CPEB3: variants seen among roughly 807,000 people sequenced by gnomAD.
CPEB3 encodes the protein cytoplasmic polyadenylation element-binding protein 3.
In CPEB3, 20 loss-of-function variants were observed where a neutral mutation model predicts 67.2. The observed-to-expected ratio is 0.30, with a 90% CI of 0.21 to 0.43. CPEB3 has a LOEUF of 0.43. CPEB3 is among the 20% of genes least tolerant of loss of function. The probability of loss-of-function intolerance (pLI) is 1.00; values close to 1 mark genes in which losing one functional copy is unlikely to be tolerated. For synonymous variants in CPEB3, 376 were observed against 393.1 expected, an observed-to-expected ratio of 0.96 and a Z score of 0.51; for missense variants, 746 against 968.6, an observed-to-expected ratio of 0.77 and a Z score of 3.05.
chr10:92,143,506 T>G (rs1846536582), intron 5 of CPEB3, among the ~76,000 whole-genome samples: 1 of 152,222 alleles, frequency 6.6e-6, no homozygotes, highest in Admixed American at 6.5e-5. Flanking sequence ...ATGGTTTCAC[T>G]TGTAGGAACC....
At chr10:92,129,856 A>G (rs997534302) in intron 6 of CPEB3, among the ~76,000 whole-genome samples, 2 of 152,110 alleles carry the variant, frequency 1.3e-5, no homozygotes, top group African/African-American at 4.8e-5. Context: ...AGCCCAGGCA[A>G]CAGAGCAAGA....
intron 1 of CPEB3, among the ~76,000 whole-genome samples, chr10:92,252,619 CTTTT>C (rs539743470): frequency 6.8e-6 from 1 of 147,830 alleles, no homozygotes; most frequent in Admixed American, 6.8e-5. Flanking sequence ...TAGATGCCAA[CTTTT>C]TTTTTTTAAT....
intron 7 of CPEB3, among the ~76,000 whole-genome samples, chr10:92,095,923 T>C (rs1167710354): frequency 1.3e-5 from 2 of 151,948 alleles, no homozygotes; most frequent in Non-Finnish European, 2.9e-5. Flanking sequence ...TCGCCCAGGC[T>C]GGAGTGCAGT....
intron 7 of CPEB3, among the ~76,000 whole-genome samples, chr10:92,097,927 C>T (rs183212887): frequency 1.7e-3 from 262 of 151,864 alleles, no homozygotes; most frequent in Middle Eastern, 6.8e-3. Flanking sequence ...TTTGGGAGGC[C>T]GAGGTGGGTG....
intron 2 of CPEB3, among the ~76,000 whole-genome samples, chr10:92,217,116 G>A (rs1398238259): frequency 2.9e-5 from 4 of 137,038 alleles, no homozygotes; most frequent in African/African-American, 1.1e-4. Flanking sequence ...GCTGAGGCAA[G>A]AGAATCACTT....
chr10:92,243,741 T>C (rs1324628712), intron 1 of CPEB3, among the ~76,000 whole-genome samples: 2 of 152,186 alleles, frequency 1.3e-5, no homozygotes, highest in Non-Finnish European at 2.9e-5. Flanking sequence ...TCAGCAGAGA[T>C]GGCATAAAAG....
Position 92,048,928 on chromosome 10 carries a change from G to A in CPEB3, c.*3284C>T, listed in dbSNP as rs1365019762. 1.3e-5 allele frequency: 2 copies of A among 152,462 alleles called. No individual in the cohort carries two copies. Among genetic ancestry groups the A allele is most frequent in the African/African-American group, 4.8e-5 (2 of 41,406 alleles). The allele number at this position is 152,462 out of a possible 1,614,324, so 9.4% of individuals were successfully genotyped here. On this transcript the variant is annotated 3_prime_UTR_variant, in exon 10 of 10. Transcript: ENST00000265997. The surrounding 1 kb of genome is among the most constrained non-coding windows in gnomAD (Gnocchi z 4.1). ...ATTATGACATTGACCAGATATGAAA[G>A]TCCCTCCCAGAAACAACTCTATTAA...
Position 92,188,056 on chromosome 10 carries a change from G to C in CPEB3, c.1165+4421C>G, listed in dbSNP as rs192747632. Among the ~76,000 whole-genome samples, 7 of 151,956 alleles carry C rather than the reference G, an allele frequency of 4.6e-5. No homozygotes were observed. In the East Asian group the frequency reaches 1.4e-3, roughly 30 times the overall value. ...ACAGCAAATAGAAAAAATCAGCCAG[G>C]CATGGTGCCTGTGCCTCTAGTACCA... On this transcript the variant is annotated intron_variant, in intron 3 of 9. Transcript: ENST00000265997.
At chr10:92,063,632 C>T (rs1415521611) in intron 9 of CPEB3, among the ~76,000 whole-genome samples, 1 of 151,984 alleles carries the variant, frequency 6.6e-6, no homozygotes, top group Admixed American at 6.6e-5. Context: ...GGTGTGGTGG[C>T]GCGCACCTAT....
intron 6 of CPEB3, among the ~76,000 whole-genome samples, chr10:92,135,531 G>A (rs1846050456): frequency 6.6e-6 from 1 of 152,164 alleles, no homozygotes; most frequent in Non-Finnish European, 1.5e-5. Flanking sequence ...GAGAGGATGT[G>A]GAGAAATAGG....
At chr10:92,132,532 T>G (rs530596264) in intron 6 of CPEB3, among the ~76,000 whole-genome samples, 1 of 152,188 alleles carries the variant, frequency 6.6e-6, no homozygotes, top group East Asian at 1.9e-4. Flanking sequence ...ATTAATAAAT[T>G]TACCTATATA....
intron 4 of CPEB3, among the ~76,000 whole-genome samples, chr10:92,158,494 C>A (rs1204278162): frequency 6.6e-6 from 1 of 152,020 alleles, no homozygotes; most frequent in Non-Finnish European, 1.5e-5. Flanking sequence ...CTCTGAATTT[C>A]TTACTATACA....
Position 92,102,529 on chromosome 10 carries a change from A to G in CPEB3, c.1572+8547T>C, listed in dbSNP as rs868821774. 2.0e-5 allele frequency among the ~76,000 whole-genome samples: 3 copies of G among 152,208 alleles called. No individual in the cohort carries two copies. In the South Asian group the frequency reaches 6.2e-4, roughly 31 times the overall value. ...GCTGCAGAGCCTATTATCTGATGCA[A>G]GGAAGCTACAGGCTTTACAACTCCT... On this transcript the variant is annotated intron_variant, in intron 7 of 9. Transcript: ENST00000265997.
intron 2 of CPEB3, among the ~76,000 whole-genome samples, chr10:92,214,491 T>G (rs1214822850): frequency 6.6e-6 from 1 of 152,060 alleles, no homozygotes; most frequent in African/African-American, 2.4e-5. Flanking sequence ...CCACTCAATT[T>G]TTTTTTTTTA....
chr10:92,248,439 T>TC (rs1310297469), intron 1 of CPEB3, among the ~76,000 whole-genome samples: 2 of 152,220 alleles, frequency 1.3e-5, no homozygotes, highest in African/African-American at 4.8e-5. Flanking sequence ...ATACATCATT[T>TC]TGAGCTTCCT....
In CPEB3 at chr10:92,240,063, G is replaced by C; in HGVS notation, c.288C>G (p.Pro96=). 6.3e-7 allele frequency: 1 copy of C among 1,591,066 alleles called. No homozygotes were observed. The highest frequency in any genetic ancestry group is 8.6e-7 in the Non-Finnish European group (1 of 1,168,758). ...PPQQPPPPQE[P]AAPGASLSPS... The stretch of plus-strand genomic sequence containing the variant: ...GCGACAGCGACGCGCCCGGTGCCGC[G>C]GGCTCCTGAGGCGGCGGCGGCTGCT... Residue 96 remains proline, a synonymous_variant, in exon 2 of 10, where the codon CCC becomes CCG. Transcript: ENST00000265997.
Position 92,051,284 on chromosome 10 carries a change from G to C in CPEB3, c.*928C>G, listed in dbSNP as rs1461586020. 6.6e-6 allele frequency: 1 copy of C among 152,576 alleles called. No homozygotes were observed. Among genetic ancestry groups the C allele is most frequent in the African/African-American group, 2.4e-5 (1 of 41,434 alleles). The allele number at this position is 152,576 out of a possible 1,614,324, so 9.5% of individuals were successfully genotyped here. ...TAGATTCTTAATTTGTGCATTGTGG[G>C]AACGTTTTATACTAGACATTGGATA... is the stretch of plus-strand genomic sequence containing the variant. On this transcript the variant is annotated 3_prime_UTR_variant, in exon 10 of 10. Transcript: ENST00000265997.
chr10:92,192,258 C>A (rs1281528120), intron 3 of CPEB3, among the ~76,000 whole-genome samples: 1 of 152,182 alleles, frequency 6.6e-6, no homozygotes, highest in African/African-American at 2.4e-5. Flanking sequence ...CTACCCAATT[C>A]ATGCTCCTGC....
chr10:92,167,679 G>A (rs1305668128), intron 4 of CPEB3, among the ~76,000 whole-genome samples: 5 of 152,180 alleles, frequency 3.3e-5, no homozygotes, highest in African/African-American at 1.2e-4. Context: ...AGCCGAAGCA[G>A]GTGAATCACC....
Sources: gnomAD v4.1 joint callset for allele counts (sites outside exome capture counted in the v4.1 genomes callset) on GRCh38, gnomAD v4.1.1 for gene constraint, Gnocchi (gnomAD v3.1) non-coding constraint, MANE v1.5 for transcripts, NCBI Gene and HGNC (gene_info 2026-07-23, HGNC 2026-07-21) for gene names.